LRRC41: variants seen among roughly 807,000 people sequenced by gnomAD.
LRRC41 encodes leucine rich repeat containing 41, also known as leucine-rich repeat-containing protein 41.
A neutral mutation model predicts 72.1 loss-of-function variants in LRRC41; 17 were observed. That is an observed-to-expected ratio of 0.24 (90% CI 0.16 to 0.35). The LOEUF (loss-of-function observed/expected upper bound fraction) is 0.35. LRRC41 is among the 10% of genes least tolerant of loss of function. The probability of loss-of-function intolerance (pLI) is 1.00; values close to 1 mark genes in which losing one functional copy is unlikely to be tolerated. For missense variants in LRRC41, 759 were observed against 1,065.0 expected, an observed-to-expected ratio of 0.71 and a Z score of 4.00; for synonymous variants, 427 against 431.0, an observed-to-expected ratio of 0.99 and a Z score of 0.11.
intron 3 of LRRC41, among the ~76,000 whole-genome samples, chr1:46,293,174 T>G (rs1207155019): frequency 6.6e-6 from 1 of 151,076 alleles, no homozygotes; most frequent in Admixed American, 6.6e-5. Context: ...CAGAGCGAGA[T>G]TTCGTCTCAA....
At position 46,302,948 on chromosome 1, in the gene LRRC41, T is replaced by C. The variant is rs1661275126; in HGVS notation, c.199+176A>G. The stretch of plus-strand genomic sequence containing the variant: ...GTCAGCCTGCCCATTTAGGTCTCCG[T>C]CTTTACTCTGTCCAGCCCTGTCAGT... On this transcript the variant is annotated intron_variant, in intron 1 of 9. Transcript: ENST00000617190. This position sits in a 1 kb window ranked among gnomAD's most constrained non-coding sequence, Gnocchi z 4.7. The C allele has an allele frequency of 2.0e-6, 2 of 983,470 alleles. No individual in the cohort carries two copies. Among genetic ancestry groups the C allele is most frequent in the Admixed American group, 6.2e-5 (1 of 16,146 alleles). The allele number at this position is 983,470 out of a possible 1,614,324, so 60.9% of individuals were successfully genotyped here.
chr1:46,298,292 A>T lies in LRRC41; in HGVS notation c.278T>A (p.Leu93His). 6.2e-7 allele frequency: 1 copy of T among 1,603,592 alleles called. No individual in the cohort carries two copies. Among genetic ancestry groups the T allele is most frequent in the Non-Finnish European group, 8.5e-7 (1 of 1,172,050 alleles). The change falls in exon 2 of 10, where the codon CTC becomes CAC. Residue 93 changes from leucine (L) to histidine (H), a missense_variant. Leu to His is a moderately conservative substitution (Grantham distance 99, BLOSUM62 -3). Around this residue, in one of 4 missense-constraint regions of LRRC41, gnomAD observed 116 missense variants for 250.9 expected, o/e 0.46. Coordinates refer to ENST00000617190, the MANE Select transcript of LRRC41 (RefSeq NM_006369.5). ...YYLERIEETA[L>H]KKGLSTQAIW... ...GACAGAAAGATACTCACCTTTCTTG[A>T]GGGCAGTTTCCTCAATCCTCTCCAA...
In LRRC41 at chr1:46,303,211, A is replaced by C. The variant is rs768499294; in HGVS notation, c.112T>G (p.Ser38Ala). 27 of 1,568,116 alleles carry C rather than the reference A, an allele frequency of 1.7e-5. No homozygotes were observed. The South Asian group carries it at 3.0e-4, about 18-fold the overall frequency. Residue 38 changes from serine (S) to alanine (A), a missense_variant, in exon 1 of 10, where the codon TCG becomes GCG. Ser to Ala is a moderately conservative substitution (Grantham distance 99, BLOSUM62 1). Transcript: ENST00000617190. ...AGGGCGGGGGGAGCGTTGGGGCCCG[A>C]GGCCGAGCTCTTCGCTGGCGCCGCC... is the stretch of plus-strand genomic sequence containing the variant. ...REAAPAKSSA[S>A]GPNAPPALFE...
Position 46,303,164 on chromosome 1 carries a change from C to A in LRRC41, c.159G>T (p.Ala53=), listed in dbSNP as rs1392620224. 2.6e-6 allele frequency: 4 copies of A among 1,544,948 alleles called. No individual in the cohort carries two copies. Among genetic ancestry groups the A allele is most frequent in the Non-Finnish European group, 3.5e-6 (4 of 1,152,852 alleles). Residue 53 remains alanine, a synonymous_variant, in exon 1 of 10, where the codon GCG becomes GCT. Transcript: ENST00000617190. ...PPALFELCGR[A]VSAHMGVLES... is the part of the protein sequence containing the mutation. The stretch of plus-strand genomic sequence containing the variant: ...CCAGAACCCCCATATGGGCGCTCAC[C>A]GCCCGCCCGCACAGCTCGAACAGGG...
Position 46,302,381 on chromosome 1 carries a change from G to T in LRRC41, c.199+743C>A, listed in dbSNP as rs549357680. On this transcript the variant is annotated intron_variant, in intron 1 of 9. Coordinates refer to ENST00000617190, the MANE Select transcript of LRRC41 (RefSeq NM_006369.5). The surrounding 1 kb of genome is among the most constrained non-coding windows in gnomAD (Gnocchi z 4.7). ...ACTCGCTCTCCGGTCCCTCCTCGCC[G>T]CTCGAGCCGATCCGAGTGGCCTCCG... 3.0e-6 allele frequency: 3 copies of T among 985,116 alleles called. No individual in the cohort carries two copies. Among genetic ancestry groups the T allele is most frequent in the East Asian group, 2.3e-4 (2 of 8,784 alleles). The allele number at this position is 985,116 out of a possible 1,614,324, so 61.0% of individuals were successfully genotyped here. A position where few individuals can be genotyped will look rare whatever the true frequency, so the allele number is the denominator to read the frequency against.
rs111576481 is a variant in LRRC41, at chr1:46,292,923, C to T, written c.357+4640G>A. On this transcript the variant is annotated intron_variant, in intron 3 of 9. Coordinates refer to ENST00000617190, the MANE Select transcript of LRRC41 (RefSeq NM_006369.5). Reference sequence around the variant, plus strand: ...ACTCTCGGCTGGGCACGGTGGCTCACGCCTATAATCCCAGCACTTTGGGAG... The same window carrying T: ...ACTCTCGGCTGGGCACGGTGGCTCATGCCTATAATCCCAGCACTTTGGGAG... Among the ~76,000 whole-genome samples, 1,255 of 152,244 alleles carry T rather than the reference C, an allele frequency of 8.2e-3. 18 individuals are homozygous for T. Among genetic ancestry groups the T allele is most frequent in the Middle Eastern group, 0.037 (11 of 294 alleles).
chr1:46,278,873 T>G lies in LRRC41; in HGVS notation c.2431A>C (p.Thr811Pro), dbSNP rs889402776. Reference protein sequence around the residue: ...SSQAFADYVSTM With the variant: ...SSQAFADYVSPM Reference sequence around the variant, plus strand: ...GTGAGGTACGGGCCCCATCACATGGTGCTAACATAATCTGCGAAGGCCTGG... The same window carrying G: ...GTGAGGTACGGGCCCCATCACATGGGGCTAACATAATCTGCGAAGGCCTGG... The change falls in exon 10 of 10, where the codon ACC becomes CCC. Residue 811 changes from threonine (T) to proline (P), a missense_variant. Thr to Pro is a conservative substitution (Grantham distance 38). Coordinates refer to ENST00000617190, the MANE Select transcript of LRRC41 (RefSeq NM_006369.5). The G allele has an allele frequency of 8.1e-6, 13 of 1,609,856 alleles. No homozygotes were observed. The highest frequency in any genetic ancestry group is 1.1e-5 in the Non-Finnish European group (13 of 1,178,930).
At chr1:46,282,200 A>C (rs1158354364) in intron 4 of LRRC41, among the ~76,000 whole-genome samples, 2 of 152,224 alleles carry the variant, frequency 1.3e-5, no homozygotes, top group Non-Finnish European at 1.5e-5. Flanking sequence ...CATTATGGAA[A>C]GGCAAAGGGA....
chr1:46,280,345 T>A, intron 6 of LRRC41, 51 bp downstream of exon 6: 1 of 1,612,294 alleles, frequency 6.2e-7, no homozygotes, highest in South Asian at 1.1e-5. Context: ...TAGAGAACAG[T>A]GCTAGGTCCC....
chr1:46,293,261 CTCT>C (rs2148322638), intron 3 of LRRC41, among the ~76,000 whole-genome samples: 1 of 150,454 alleles, frequency 6.6e-6, no homozygotes, highest in East Asian at 1.9e-4. Flanking sequence ...TTGTTTTGTG[CTCT>C]TTTTTAAGAC....
Position 46,303,234 on chromosome 1 carries a change from G to T in LRRC41, c.89C>A (p.Ala30Glu). 2 of 1,555,736 alleles carry T rather than the reference G, an allele frequency of 1.3e-6. No homozygotes were observed. Among genetic ancestry groups the T allele is most frequent in the Non-Finnish European group, 1.7e-6 (2 of 1,152,994 alleles). ...CGAGGCCGAGCTCTTCGCTGGCGCC[G>T]CCTCCCGGGACGTGGCCTCCATGGT... is the stretch of plus-strand genomic sequence containing the variant. The part of the protein sequence containing the change: ...ATTMEATSRE[A>E]APAKSSASGP... Residue 30 changes from alanine (A) to glutamate (E), a missense_variant, in exon 1 of 10, where the codon GCG (alanine) becomes GAG (glutamate). Physicochemically the swap from Ala to Glu is moderately radical, Grantham distance 107. Coordinates refer to ENST00000617190, the MANE Select transcript of LRRC41 (RefSeq NM_006369.5).
chr1:46,303,051 GC>G, intron 1 of LRRC41, 72 bp downstream of exon 1: 3 of 1,331,042 alleles, frequency 2.3e-6, no homozygotes, highest in Non-Finnish European at 1.9e-6. Context: ...TCCCGGCCTC[GC>G]CCCCCGCGCC....
chr1:46,299,538 C>G (rs1281481853), intron 1 of LRRC41: 1 of 152,092 alleles, frequency 6.6e-6, no homozygotes. Flanking sequence ...TGTGCTTAGA[C>G]CACTGCACTC....
Position 46,280,442 on chromosome 1 carries a change from G to T in LRRC41, c.1875C>A (p.Thr625=), listed in dbSNP as rs1421169907. 2 of 1,614,086 alleles carry T rather than the reference G, an allele frequency of 1.2e-6. No homozygotes were observed. The highest frequency in any genetic ancestry group is 1.7e-5 in the Admixed American group (1 of 60,004). Residue 625 remains threonine, a synonymous_variant, in exon 6 of 10, where the codon ACC becomes ACA. Transcript: ENST00000617190. ...SLQQLSLDSA[T]FASPQDFGLV... is the part of the protein sequence containing the mutation. ...GCCCAAAATCCTGGGGAGAGGCAAA[G>T]GTGGCACTATCCAGGGACAGCTGCT...
intron 4 of LRRC41, among the ~76,000 whole-genome samples, chr1:46,282,611 G>A (rs1261224859): frequency 2.0e-5 from 3 of 152,158 alleles, no homozygotes; most frequent in Non-Finnish European, 4.4e-5. Context: ...AGAACATAAA[G>A]GGGACAGGCT....
chr1:46,302,209 C>T lies in LRRC41; in HGVS notation c.199+915G>A, dbSNP rs1661249214. 4.1e-6 allele frequency: 4 copies of T among 985,322 alleles called. No homozygotes were observed. Among genetic ancestry groups the T allele is most frequent in the Non-Finnish European group, 4.8e-6 (4 of 829,932 alleles). The allele number at this position is 985,322 out of a possible 1,614,324, so 61.0% of individuals were successfully genotyped here. ...CGTTCACTCCCATTCAGCCCAAGGC[C>T]TCTTGGCGGCGCCGCGCCCCCTGCC... On this transcript the variant is annotated intron_variant, in intron 1 of 9. Coordinates refer to ENST00000617190, the MANE Select transcript of LRRC41 (RefSeq NM_006369.5). The surrounding 1 kb of genome is among the most constrained non-coding windows in gnomAD (Gnocchi z 4.7).
Position 46,285,884 on chromosome 1 carries a change from G to C in LRRC41, c.973C>G (p.Arg325Gly). Residue 325 changes from arginine to glycine, a missense_variant, in exon 4 of 10, where the codon CGG (arginine) becomes GGG (glycine). Around this residue, in one of 4 missense-constraint regions of LRRC41, gnomAD observed 427 missense variants for 520.9 expected, o/e 0.82. Transcript: ENST00000617190. This position sits in a 1 kb window ranked among gnomAD's most constrained non-coding sequence, Gnocchi z 5.3. ...GCTGTCAGGCTCTCCTGTGTGCTCCGGCGTGTTACCCGAGTGGCAGGTGCA... is the reference window on the plus strand; with the variant it reads ...GCTGTCAGGCTCTCCTGTGTGCTCCCGCGTGTTACCCGAGTGGCAGGTGCA... ...RAAPATRVTR[R>G]STQESLTAGG... The C allele has an allele frequency of 6.4e-7, 1 of 1,561,644 alleles. No individual in the cohort carries two copies. Among genetic ancestry groups the C allele is most frequent in the East Asian group, 2.2e-5 (1 of 44,540 alleles).
At chr1:46,288,947 C>T (rs1283947085) in intron 3 of LRRC41, among the ~76,000 whole-genome samples, 1 of 152,244 alleles carries the variant, frequency 6.6e-6, no homozygotes, top group East Asian at 1.9e-4. Context: ...TTGAAAAACA[C>T]TTGCAGGTAA....
chr1:46,284,604 A>C (rs2148315495), intron 4 of LRRC41, among the ~76,000 whole-genome samples: 1 of 152,236 alleles, frequency 6.6e-6, no homozygotes, highest in South Asian at 2.1e-4. Flanking sequence ...GGTCTCTTCT[A>C]TTCTGGTAAA....
Sources: gnomAD v4.1 joint callset for allele counts (sites outside exome capture counted in the v4.1 genomes callset) on GRCh38, gnomAD v4.1.1 for gene constraint, gnomAD v4.1.1 regional missense constraint, Gnocchi (gnomAD v3.1) non-coding constraint, MANE v1.5 for transcripts, NCBI Gene and HGNC (gene_info 2026-07-23, HGNC 2026-07-21) for gene names.